NUP160: variants seen among roughly 807,000 people sequenced by gnomAD.
NUP160 encodes the protein nucleoporin 160, also known as nuclear pore complex protein Nup160.
NUP160 carries 94 observed loss-of-function variants against 196.9 expected under a neutral mutation model. The ratio of observed to expected loss-of-function variants is 0.48; its 90% CI spans 0.40 to 0.57. The LOEUF (loss-of-function observed/expected upper bound fraction) is 0.57, where lower values mean the gene tolerates loss of function less well. Among genes scored for constraint, NUP160 ranks in the 20% least tolerant of loss-of-function variants. The probability of loss-of-function intolerance (pLI) is 0.00; values close to 1 mark genes in which losing one functional copy is unlikely to be tolerated. For synonymous variants in NUP160, 605 were observed against 619.7 expected (o/e 0.98, Z 0.35); for missense variants, 1,638 against 1,748.3 (o/e 0.94, Z 1.13).
intron 23 of NUP160, among the ~76,000 whole-genome samples, chr11:47,800,240 C>CAA (rs147655167): frequency 0.012 from 1,385 of 116,072 alleles, 12 homozygotes; most frequent in Non-Finnish European, 0.02. Context: ...GACTCCGTCT[C>CAA]AAAAAAAAAA....
At chr11:47,808,912 C>T (rs2097679317) in intron 17 of NUP160, among the ~76,000 whole-genome samples, 1 of 151,900 alleles carries the variant, frequency 6.6e-6, no homozygotes, top group Non-Finnish European at 1.5e-5. Flanking sequence ...CCAGACTGGA[C>T]AACACAGTGA....
intron 7 of NUP160, among the ~76,000 whole-genome samples, chr11:47,826,034 T>C (rs1460299384): frequency 1.3e-5 from 2 of 151,738 alleles, no homozygotes; most frequent in African/African-American, 2.4e-5. Context: ...TGAAAAAAAA[T>C]ATGTAGTGCT....
intron 33 of NUP160, 93 bp downstream of exon 33, chr11:47,784,829 A>G: frequency 2.0e-6 from 2 of 985,510 alleles, no homozygotes; most frequent in African/African-American, 1.6e-5. Flanking sequence ...GGTATGAGCC[A>G]CTGCAATCAG....
At chr11:47,792,340 G>T (rs2097668366) in intron 28 of NUP160, 1 of 249,204 alleles carries the variant, frequency 4.0e-6, no homozygotes. Flanking sequence ...CTTTAAAACA[G>T]TAACTGTAGA....
At chr11:47,840,560 T>G (rs376159012) in exon 3 of NUP160, 78 of 1,611,556 alleles carry the variant, frequency 4.8e-5, no homozygotes, top group Non-Finnish European at 2.5e-6. Context: ...GACTCCTCCA[T>G]CAGCTCCAAT....
chr11:47,794,764 T>G (rs1207600526), intron 27 of NUP160, among the ~76,000 whole-genome samples: 1 of 151,600 alleles, frequency 6.6e-6, no homozygotes, highest in Non-Finnish European at 1.5e-5. Flanking sequence ...GCAAAAAAAA[T>G]TGTCGAGCGT....
At chr11:47,841,901 C>A (rs753212369) in intron 2 of NUP160, among the ~76,000 whole-genome samples, 1 of 151,902 alleles carries the variant, frequency 6.6e-6, no homozygotes, top group Non-Finnish European at 1.5e-5. Context: ...GTTGGCCAGG[C>A]TGATCTTGAA....
chr11:47,809,176 C>T (rs1403032955), intron 17 of NUP160, among the ~76,000 whole-genome samples: 1 of 150,744 alleles, frequency 6.6e-6, no homozygotes, highest in African/African-American at 2.4e-5. Context: ...CTGAACTGAG[C>T]CCAGGAAATC....
intron 28 of NUP160, 169 bp from the exon 29 acceptor site, chr11:47,792,159 A>C (rs910923787): frequency 3.6e-6 from 2 of 557,060 alleles, no homozygotes; most frequent in African/African-American, 1.9e-5. Context: ...CAAAGAAAGA[A>C]GTTCTTTGCC....
intron 13 of NUP160, among the ~76,000 whole-genome samples, chr11:47,813,823 G>A (rs1005324566): frequency 2.6e-5 from 4 of 152,018 alleles, no homozygotes; most frequent in African/African-American, 9.7e-5. Context: ...TGTAATCCCA[G>A]CACTTTGGGA....
intron 2 of NUP160, among the ~76,000 whole-genome samples, chr11:47,844,209 T>C (rs973991669): frequency 2.6e-5 from 4 of 152,302 alleles, no homozygotes; most frequent in Admixed American, 1.3e-4. Context: ...CATGTGTGAA[T>C]TGTGGCACCA....
intron 17 of NUP160, among the ~76,000 whole-genome samples, chr11:47,811,744 C>A (rs941960804): frequency 6.6e-6 from 1 of 152,064 alleles, no homozygotes; most frequent in African/African-American, 2.4e-5. Context: ...TAAACGTGTG[C>A]CATGATGGTT....
intron 33 of NUP160, among the ~76,000 whole-genome samples, chr11:47,783,549 C>T (rs2097662735): frequency 6.6e-6 from 1 of 152,096 alleles, no homozygotes; most frequent in Non-Finnish European, 1.5e-5. Context: ...ACTAAAGTGA[C>T]AATATATTCA....
chr11:47,843,911 T>C (rs1451441359), intron 2 of NUP160, among the ~76,000 whole-genome samples: 3 of 152,200 alleles, frequency 2.0e-5, no homozygotes, highest in Admixed American at 2.0e-4. Context: ...TGGATATCTA[T>C]CAGGCATCTC....
intron 7 of NUP160, among the ~76,000 whole-genome samples, chr11:47,826,658 G>A (rs893517352): frequency 3.3e-5 from 5 of 151,686 alleles, no homozygotes; most frequent in African/African-American, 1.2e-4. Context: ...TGCCTCCTGG[G>A]TTCAAGCAAT....
chr11:47,785,058 G>C, exon 33 of NUP160: 1 of 1,548,530 alleles, frequency 6.5e-7, no homozygotes, highest in Non-Finnish European at 8.7e-7. Flanking sequence ...TGCTTCATCT[G>C]TAGCACTTGA....
intron 30 of NUP160, 50 bp downstream of exon 30, chr11:47,788,451 T>C (rs747745914): frequency 6.4e-7 from 1 of 1,564,216 alleles, no homozygotes. Flanking sequence ...GGACCTAAAA[T>C]GTGCTCGTGG....
chr11:47,813,233 C>T (rs1267864752), intron 14 of NUP160, 83 bp downstream of exon 14: 9 of 1,128,876 alleles, frequency 8.0e-6, no homozygotes, highest in East Asian at 2.4e-5. Context: ...GTGTGGCAAT[C>T]GATATTTTTT....
chr11:47,790,412 A>G (rs561642967), intron 29 of NUP160, among the ~76,000 whole-genome samples: 222 of 151,954 alleles, frequency 1.5e-3, no homozygotes, highest in Non-Finnish European at 2.5e-3. Context: ...GCCACCCGCC[A>G]CCACACCCAG....
Sources: gnomAD v4.1 joint callset for allele counts (sites outside exome capture counted in the v4.1 genomes callset) on GRCh38, gnomAD v4.1.1 for gene constraint, MANE v1.5 for transcripts, NCBI Gene and HGNC (gene_info 2026-07-23, HGNC 2026-07-21) for gene names.